The following FLRT2 variants were observed in gnomAD, a reference collection of about 807,000 sequenced individuals.
FLRT2 encodes the protein fibronectin leucine rich transmembrane protein 2, also known as leucine-rich repeat transmembrane protein FLRT2.
FLRT2 carries 15 observed loss-of-function variants against 40.0 expected under a neutral mutation model. The observed-to-expected ratio is 0.38, with a 90% CI of 0.25 to 0.58. The LOEUF (loss-of-function observed/expected upper bound fraction) is 0.58. FLRT2 is among the 20% of genes least tolerant of loss of function. FLRT2 has a pLI of 0.71. For synonymous variants in FLRT2, 380 were observed against 336.8 expected (o/e 1.13, Z -1.41); for missense variants, 726 against 840.0 (o/e 0.86, Z 1.68).
chr14:85,614,054 T>C (rs1893014592), intron 1 of FLRT2, among the ~76,000 whole-genome samples: 1 of 152,188 alleles, frequency 6.6e-6, no homozygotes, highest in African/African-American at 2.4e-5. Flanking sequence ...GAGTGTGTGT[T>C]TTCCACATGT....
intron 1 of FLRT2, among the ~76,000 whole-genome samples, chr14:85,568,294 T>G (rs1890724615): frequency 6.6e-6 from 1 of 152,002 alleles, no homozygotes; most frequent in South Asian, 2.1e-4. Context: ...CCTAGGTAAG[T>G]CATTCAGTGT....
chr14:85,535,892 G>GTTTTTTTTTT (rs71454768), intron 1 of FLRT2, among the ~76,000 whole-genome samples: 6 of 57,880 alleles, frequency 1.0e-4, no homozygotes, highest in Admixed American at 2.3e-4. Flanking sequence ...AAGGAATGCT[G>GTTTTTTTTTT]TTTTTTTTTT....
intron 1 of FLRT2, among the ~76,000 whole-genome samples, chr14:85,577,954 T>C (rs1164915023): frequency 6.6e-6 from 1 of 151,778 alleles, no homozygotes; most frequent in African/African-American, 2.4e-5. Flanking sequence ...CTTTGGCCTT[T>C]ATTCAGGAAA....
In FLRT2 at chr14:85,640,116, G is replaced by A. The variant is rs1894118370; in HGVS notation, c.*16619G>A. On this transcript the variant is annotated 3_prime_UTR_variant, in exon 2 of 2. Transcript: ENST00000330753. ...GCCCGCCTCGGCCTCCCAAAGTGCTGGGATTACAGGCGTGAGCCACTGCCC... is the reference window on the plus strand; with the variant it reads ...GCCCGCCTCGGCCTCCCAAAGTGCTAGGATTACAGGCGTGAGCCACTGCCC... 1 of 152,260 alleles carries A rather than the reference G, an allele frequency of 6.6e-6. No homozygotes were observed. Among genetic ancestry groups the A allele is most frequent in the African/African-American group, 2.4e-5 (1 of 41,424 alleles). 9.4% of individuals were successfully genotyped at this position (152,260 alleles called of 1,614,324 possible).
Position 85,621,453 on chromosome 14 carries a change from G to T in FLRT2, c.-62G>T. On this transcript the variant is annotated 5_prime_UTR_variant, in exon 2 of 2. Coordinates refer to ENST00000330753, the MANE Select transcript of FLRT2 (RefSeq NM_013231.6). ...CCCATCCAGTCATTTTGATTTTGCT[G>T]TTTATTTTTTTTTTCTTTTTCTTTT... The T allele has an allele frequency of 6.8e-7, 1 of 1,472,850 alleles. No individual in the cohort carries two copies. The highest frequency in any genetic ancestry group is 9.1e-7 in the Non-Finnish European group (1 of 1,097,954). The allele number at this position is 1,472,850 out of a possible 1,614,324, so 91.2% of individuals were successfully genotyped here. A position where few individuals can be genotyped will look rare whatever the true frequency, so the allele number is the denominator to read the frequency against.
intron 1 of FLRT2, among the ~76,000 whole-genome samples, chr14:85,607,498 C>G (rs867341410): frequency 3.9e-5 from 6 of 152,154 alleles, no homozygotes; most frequent in Non-Finnish European, 8.8e-5. Flanking sequence ...TCAGTGGATT[C>G]TTGCAACAGC....
intron 1 of FLRT2, among the ~76,000 whole-genome samples, chr14:85,618,631 T>A (rs1893242693): frequency 2.0e-5 from 3 of 152,214 alleles, no homozygotes; most frequent in Non-Finnish European, 1.5e-5. Flanking sequence ...TATTTGAGAC[T>A]GTCTCCCGGG....
chr14:85,536,356 A>G (rs1274630987), intron 1 of FLRT2, among the ~76,000 whole-genome samples: 1 of 152,152 alleles, frequency 6.6e-6, no homozygotes, highest in Non-Finnish European at 1.5e-5. Context: ...TTTACAAGGA[A>G]GAATTCCTGC....
At position 85,649,996 on chromosome 14, in the gene FLRT2, C is replaced by T. The variant is rs1281260406; in HGVS notation, c.*26499C>T. ...GTAATACAAGGAACACTCATGTACA[C>T]ATCAACCAGCTTTGTCTGAAATTAA... is the stretch of plus-strand genomic sequence containing the variant. On this transcript the variant is annotated 3_prime_UTR_variant, in exon 2 of 2. Transcript: ENST00000330753. 6.6e-6 allele frequency: 1 copy of T among 151,952 alleles called. No individual in the cohort carries two copies. The highest frequency in any genetic ancestry group is 6.6e-5 in the Admixed American group (1 of 15,230). The allele number at this position is 151,952 out of a possible 1,614,324, so 9.4% of individuals were successfully genotyped here.
chr14:85,564,414 C>A (rs947512073), intron 1 of FLRT2, among the ~76,000 whole-genome samples: 7 of 152,128 alleles, frequency 4.6e-5, no homozygotes, highest in Middle Eastern at 3.4e-3. Flanking sequence ...AGAAAGCAAT[C>A]AAAAATTAAA....
chr14:85,585,457 A>T (rs773935264), intron 1 of FLRT2, among the ~76,000 whole-genome samples: 4 of 152,192 alleles, frequency 2.6e-5, no homozygotes, highest in Non-Finnish European at 5.9e-5. Flanking sequence ...CTTCATTTTA[A>T]AAAATGTAAA....
At position 85,572,358 on chromosome 14, in the gene FLRT2, G is replaced by T. The variant is rs909353728; in HGVS notation, c.-377+41824G>T. On this transcript the variant is annotated intron_variant, in intron 1 of 1. Coordinates refer to ENST00000330753, the MANE Select transcript of FLRT2 (RefSeq NM_013231.6). ...TTTGGGCTATTCATCAGGAGCTGCC[G>T]TGTGTACTTTTATGTTCTTTTGTAG... 5.9e-5 allele frequency among the ~76,000 whole-genome samples: 9 copies of T among 152,204 alleles called. No homozygotes were observed. The East Asian group carries it at 1.5e-3, about 26-fold the overall frequency.
intron 1 of FLRT2, among the ~76,000 whole-genome samples, chr14:85,545,648 A>G (rs868087687): frequency 6.6e-6 from 1 of 152,244 alleles, no homozygotes; most frequent in African/African-American, 2.4e-5. Flanking sequence ...GAGTCTCTCA[A>G]TGTATTTCTG....
intron 1 of FLRT2, among the ~76,000 whole-genome samples, chr14:85,574,910 T>G (rs1891060320): frequency 1.3e-5 from 2 of 152,116 alleles, no homozygotes; most frequent in Admixed American, 1.3e-4. Context: ...TGGAAAAAAT[T>G]TACCCAGGAC....
At chr14:85,533,381 G>T (rs1197911046) in intron 1 of FLRT2, among the ~76,000 whole-genome samples, 1 of 151,984 alleles carries the variant, frequency 6.6e-6, no homozygotes, top group African/African-American at 2.4e-5. Flanking sequence ...CCAGACCCAC[G>T]CCGGGCGGGC....
At position 85,654,151 on chromosome 14, in the gene FLRT2, T is replaced by A. The variant is rs1249371939; in HGVS notation, c.*30654T>A. 1.3e-5 allele frequency: 2 copies of A among 151,520 alleles called. No homozygotes were observed. The highest frequency in any genetic ancestry group is 2.4e-5 in the African/African-American group (1 of 41,368). 9.4% of individuals were successfully genotyped at this position (151,520 alleles called of 1,614,324 possible). On this transcript the variant is annotated 3_prime_UTR_variant, in exon 2 of 2. Coordinates refer to ENST00000330753, the MANE Select transcript of FLRT2 (RefSeq NM_013231.6). ...TCTATGCCAAACTTGCTCTGCTGAG[T>A]TCCTGGTGGAATGAAAAGACTGTCT...
Position 85,537,858 on chromosome 14 carries a change from C to T in FLRT2, c.-377+7324C>T, listed in dbSNP as rs80078037. ...CCTTCATGTTTTGTTTTTTTTTTTT[C>T]TTCCTTAGCGAATTTCACATCTACT... On this transcript the variant is annotated intron_variant, in intron 1 of 1. Transcript: ENST00000330753. Among the ~76,000 whole-genome samples the T allele has an allele frequency of 5.3e-3, 413 of 77,974 alleles. 2 individuals are homozygous for T. The highest frequency in any genetic ancestry group is 8.8e-3 in the Non-Finnish European group (298 of 33,944). The allele number at this position is 77,974 out of a possible 152,430, so 51.2% of individuals were successfully genotyped here.
At chr14:85,602,898 T>G (rs562355329) in intron 1 of FLRT2, among the ~76,000 whole-genome samples, 1 of 152,222 alleles carries the variant, frequency 6.6e-6, no homozygotes, top group Admixed American at 6.5e-5. Context: ...GGGTTTCGGG[T>G]TTTTTTGCTT....
At chr14:85,600,836 C>T (rs1000970309) in intron 1 of FLRT2, among the ~76,000 whole-genome samples, 6 of 152,090 alleles carry the variant, frequency 3.9e-5, no homozygotes, top group Admixed American at 1.3e-4. Flanking sequence ...TCCTCTTTCT[C>T]ATCAGAGAAG....
Sources: gnomAD v4.1 joint callset for allele counts (sites outside exome capture counted in the v4.1 genomes callset) on GRCh38, gnomAD v4.1.1 for gene constraint, MANE v1.5 for transcripts, NCBI Gene and HGNC (gene_info 2026-07-23, HGNC 2026-07-21) for gene names.